The following OSBPL8 variants were observed in gnomAD, a reference collection of about 807,000 sequenced individuals.
The protein encoded by OSBPL8 is oxysterol-binding protein-related protein 8.
A neutral mutation model predicts 125.5 loss-of-function variants in OSBPL8; 59 were observed. The observed-to-expected ratio is 0.47, with a 90% CI of 0.38 to 0.58. OSBPL8 has a LOEUF of 0.58. Among genes scored for constraint, OSBPL8 ranks in the 20% least tolerant of loss-of-function variants. The probability of loss-of-function intolerance (pLI) is 0.00; values close to 1 mark genes in which losing one functional copy is unlikely to be tolerated. For synonymous variants in OSBPL8, 330 were observed against 338.9 expected (o/e 0.97, Z 0.29); for missense variants, 758 against 1,047.8 (o/e 0.72, Z 3.82).
At position 76,369,646 on chromosome 12, in the gene OSBPL8, T is replaced by C; in HGVS notation, c.2231A>G (p.Lys744Arg). 1 of 1,613,206 alleles carries C rather than the reference T, an allele frequency of 6.2e-7. No individual in the cohort carries two copies. The highest frequency in any genetic ancestry group is 8.5e-7 in the Non-Finnish European group (1 of 1,179,396). ...ATTTTAAGTTACTTACTCTGCAAAC[T>C]TGTAATGCCATTCTCCTGTGAGTGG... is the stretch of plus-strand genomic sequence containing the variant. Reference protein sequence around the residue: ...LDPLTGEWHYKFADTRPWDPL... With the variant: ...LDPLTGEWHYRFADTRPWDPL... The change falls in exon 20 of 24, where the codon AAG becomes AGG. Residue 744 changes from lysine to arginine, a missense_variant. Transcript: ENST00000261183.
At chr12:76,466,120 T>G (rs1442933770) in intron 2 of OSBPL8, among the ~76,000 whole-genome samples, 1 of 152,220 alleles carries the variant, frequency 6.6e-6, no homozygotes, top group African/African-American at 2.4e-5. Context: ...ATAAATTTTC[T>G]TATACACATA....
chr12:76,470,905 A>G (rs1486139146), intron 2 of OSBPL8, among the ~76,000 whole-genome samples: 1 of 152,244 alleles, frequency 6.6e-6, no homozygotes, highest in African/African-American at 2.4e-5. Flanking sequence ...TTTGGATTAA[A>G]TAAAACAGAT....
chr12:76,410,441 A>G, intron 5 of OSBPL8, 123 bp downstream of exon 5: 1 of 684,556 alleles, frequency 1.5e-6, no homozygotes, highest in South Asian at 1.8e-5. Context: ...AATACACACT[A>G]CATGGTTCAG....
intron 2 of OSBPL8, among the ~76,000 whole-genome samples, chr12:76,480,393 A>ATGAAACAATGTCAATCCAAGTTGATAAT (rs1485201309): frequency 6.6e-6 from 1 of 152,144 alleles, no homozygotes; most frequent in Admixed American, 6.5e-5. Context: ...GGGAGTATAG[A>ATGAAACAATGTCAATCCAAGTTGATAAT]TGAAACAATG....
At chr12:76,548,671 C>T (rs1639142803) in intron 1 of OSBPL8, among the ~76,000 whole-genome samples, 1 of 152,040 alleles carries the variant, frequency 6.6e-6, no homozygotes, top group Admixed American at 6.6e-5. Context: ...CTCTTTTACC[C>T]TAAAACAATC....
chr12:76,535,127 T>C (rs555763092), intron 1 of OSBPL8, among the ~76,000 whole-genome samples: 2 of 152,088 alleles, frequency 1.3e-5, no homozygotes, highest in African/African-American at 2.4e-5. Flanking sequence ...AAAACAGATA[T>C]GCTAAATTTC....
At chr12:76,397,568 T>A (rs947510265) in intron 8 of OSBPL8, 126 bp downstream of exon 8, 6 of 958,152 alleles carry the variant, frequency 6.3e-6, no homozygotes, top group Non-Finnish European at 7.7e-6. Context: ...GGGGGAATAA[T>A]GCAATGGAAA....
At chr12:76,557,608 T>C (rs539783341) in intron 1 of OSBPL8, among the ~76,000 whole-genome samples, 2 of 76,934 alleles carry the variant, frequency 2.6e-5, no homozygotes, top group African/African-American at 5.8e-5. Context: ...AGTGAGACAG[T>C]CTTAAAAAAA....
At chr12:76,436,323 C>A (rs1172307771) in intron 4 of OSBPL8, among the ~76,000 whole-genome samples, 2 of 152,036 alleles carry the variant, frequency 1.3e-5, no homozygotes, top group East Asian at 3.9e-4. Context: ...AACCATGTTC[C>A]AAACTAACTT....
intron 2 of OSBPL8, among the ~76,000 whole-genome samples, chr12:76,471,993 C>G (rs746260500): frequency 1.3e-5 from 2 of 152,168 alleles, no homozygotes. Flanking sequence ...CTCTTCTGAT[C>G]CCCTCTGCAT....
At chr12:76,393,257 T>A (rs1328904637) in intron 9 of OSBPL8, among the ~76,000 whole-genome samples, 1 of 152,210 alleles carries the variant, frequency 6.6e-6, no homozygotes, top group African/African-American at 2.4e-5. Flanking sequence ...ATTAATAGTT[T>A]TATTTTTTAA....
intron 1 of OSBPL8, among the ~76,000 whole-genome samples, chr12:76,528,088 C>T (rs376992802): frequency 2.2e-4 from 33 of 152,004 alleles, no homozygotes; most frequent in South Asian, 8.3e-4. Flanking sequence ...TTTGGGAAGC[C>T]GAGGTGGGCG....
At chr12:76,530,181 C>T (rs1293439948) in intron 1 of OSBPL8, among the ~76,000 whole-genome samples, 1 of 150,806 alleles carries the variant, frequency 6.6e-6, no homozygotes, top group East Asian at 2.0e-4. Context: ...CTCAGCCTCC[C>T]AAGTAGTAAG....
rs1389432725 is a variant in OSBPL8 at position 76,353,749 on chromosome 12, C to T, written c.*2140G>A. 1 of 152,384 alleles carries T rather than the reference C, an allele frequency of 6.6e-6. No individual in the cohort carries two copies. The highest frequency in any genetic ancestry group is 2.4e-5 in the African/African-American group (1 of 41,442). The allele number at this position is 152,384 out of a possible 1,614,324, so 9.4% of individuals were successfully genotyped here. A position where few individuals can be genotyped will look rare whatever the true frequency, so the allele number is the denominator to read the frequency against. On this transcript the variant is annotated 3_prime_UTR_variant, in exon 24 of 24. Transcript: ENST00000261183. ...AATAAGAGGACTATTAGATTAGATG[C>T]ATGCTTTTAGTGTATAAAGAACAGT...
chr12:76,540,487 CGTGTGTGTGTGT>C (rs59101769), intron 1 of OSBPL8, among the ~76,000 whole-genome samples: 1,667 of 141,734 alleles, frequency 0.012, 12 homozygotes, highest in Middle Eastern at 0.038. Flanking sequence ...ATTATATAGT[CGTGTGTGTGTGT>C]GTGTGTGTGT....
chr12:76,507,923 C>T (rs558352163), intron 1 of OSBPL8, among the ~76,000 whole-genome samples: 1 of 151,418 alleles, frequency 6.6e-6, no homozygotes, highest in East Asian at 1.9e-4. Flanking sequence ...GAAATCCCAG[C>T]ACTTTGGGAG....
In OSBPL8 at chr12:76,353,255, T is replaced by C. The variant is rs1442241057; in HGVS notation, c.*2634A>G. ...ACTAACATGAAATACAAATAAAATA[T>C]CTATTGCTGTAACTTAACATTTCAC... On this transcript the variant is annotated 3_prime_UTR_variant, in exon 24 of 24. Transcript: ENST00000261183. 6.6e-6 allele frequency: 1 copy of C among 151,700 alleles called. No homozygotes were observed. The highest frequency in any genetic ancestry group is 1.9e-4 in the East Asian group (1 of 5,190). 9.4% of individuals were successfully genotyped at this position (151,700 alleles called of 1,614,324 possible).
intron 1 of OSBPL8, among the ~76,000 whole-genome samples, chr12:76,552,669 C>T (rs983440954): frequency 2.6e-5 from 4 of 152,078 alleles, no homozygotes; most frequent in Admixed American, 6.5e-5. Context: ...GGAAAACTCA[C>T]AGAGTGCTAT....
intron 2 of OSBPL8, among the ~76,000 whole-genome samples, chr12:76,462,580 T>G (rs760658726): frequency 3.3e-5 from 5 of 152,178 alleles, no homozygotes; most frequent in Admixed American, 1.3e-4. Context: ...CTGCCCTTGG[T>G]ACTCATGTCC....
Sources: allele counts gnomAD v4.1 joint callset (sites outside exome capture counted in the v4.1 genomes callset), GRCh38; gene constraint gnomAD v4.1.1; transcripts MANE v1.5; gene names NCBI Gene and HGNC (gene_info 2026-07-23, HGNC 2026-07-21).